The following GAD2 variants were observed in gnomAD, a reference collection of about 807,000 sequenced individuals.
GAD2 encodes the protein glutamate decarboxylase 2.
In GAD2, 22 loss-of-function variants were observed where a neutral mutation model predicts 80.1. That is an observed-to-expected ratio of 0.27 (90% CI 0.20 to 0.39). The LOEUF is 0.39. GAD2 is among the 10% of genes least tolerant of loss of function. The probability of loss-of-function intolerance (pLI) is 1.00; values close to 1 mark genes in which losing one functional copy is unlikely to be tolerated. For synonymous variants in GAD2, 274 were observed against 256.9 expected (o/e 1.07, Z -0.64); for missense variants, 624 against 738.4 (o/e 0.85, Z 1.80).
intron 8 of GAD2, among the ~76,000 whole-genome samples, chr10:26,256,638 C>T (rs553202766): frequency 6.6e-6 from 1 of 152,144 alleles, no homozygotes; most frequent in African/African-American, 2.4e-5. Context: ...TGGTGTTTTC[C>T]CATGATTAGA....
At chr10:26,285,818 C>G (rs7913676) in intron 12 of GAD2, among the ~76,000 whole-genome samples, 10 of 151,054 alleles carry the variant, frequency 6.6e-5, no homozygotes, top group African/African-American at 2.4e-4. Context: ...CAATGAGCTG[C>G]CTTAAAAGCT....
chr10:26,222,259 C>A (rs544121962), intron 4 of GAD2, among the ~76,000 whole-genome samples: 1 of 152,304 alleles, frequency 6.6e-6, no homozygotes, highest in South Asian at 2.1e-4. Context: ...AGGCACAACA[C>A]ACCCCTCACA....
intron 12 of GAD2, among the ~76,000 whole-genome samples, chr10:26,283,451 C>G (rs1420514145): frequency 6.6e-6 from 1 of 152,224 alleles, no homozygotes; most frequent in Non-Finnish European, 1.5e-5. Context: ...CTTGTTTCTA[C>G]AGCTAAATTG....
rs1450886340 is a variant in GAD2, at chr10:26,302,389, T to C, written c.*1428T>C. On this transcript the variant is annotated 3_prime_UTR_variant, in exon 16 of 16. Transcript: ENST00000376261. ...TGCAGAAATAATAAGATCCTTAGAA[T>C]TCAAAATAGTATTTTTAAAACATCC... The C allele has an allele frequency of 6.6e-6, 1 of 152,092 alleles. No homozygotes were observed. Among genetic ancestry groups the C allele is most frequent in the Non-Finnish European group, 1.5e-5 (1 of 67,992 alleles). The allele number at this position is 152,092 out of a possible 1,614,324, so 9.4% of individuals were successfully genotyped here.
At chr10:26,286,248 G>T in intron 12 of GAD2, 97 bp from the exon 13 acceptor site, 1 of 1,058,914 alleles carries the variant, frequency 9.4e-7, no homozygotes, top group South Asian at 1.5e-5. Flanking sequence ...TCTAAGATAT[G>T]CAATGTCTCT....
At chr10:26,274,009 A>G (rs1211765188) in intron 11 of GAD2, among the ~76,000 whole-genome samples, 2 of 152,202 alleles carry the variant, frequency 1.3e-5, no homozygotes, top group Non-Finnish European at 2.9e-5. Context: ...AACCACAAAA[A>G]TTGTTTAAAA....
At chr10:26,245,232 G>C (rs1216813190) in intron 7 of GAD2, among the ~76,000 whole-genome samples, 2 of 144,294 alleles carry the variant, frequency 1.4e-5, no homozygotes, top group Admixed American at 6.7e-5. Flanking sequence ...GGGGGTGTGG[G>C]GGGAGGGAGA....
intron 4 of GAD2, among the ~76,000 whole-genome samples, chr10:26,220,247 T>C (rs8190608): frequency 0.023 from 3,486 of 152,310 alleles, 52 homozygotes; most frequent in Non-Finnish European, 0.038. Context: ...GAAGTTGATG[T>C]GTAGCCTTTA....
chr10:26,283,649 T>C (rs1203824424), intron 12 of GAD2, among the ~76,000 whole-genome samples: 1 of 152,194 alleles, frequency 6.6e-6, no homozygotes, highest in East Asian at 1.9e-4. Context: ...TACCAAATTG[T>C]CCATGGGGTT....
intron 13 of GAD2, 48 bp downstream of exon 13, chr10:26,286,542 A>C (rs1564671747): frequency 5.2e-6 from 8 of 1,541,682 alleles, no homozygotes; most frequent in Non-Finnish European, 5.2e-6. Context: ...CAGAACCTTT[A>C]TCTGGTGACC....
intron 8 of GAD2, among the ~76,000 whole-genome samples, chr10:26,258,342 T>C (rs1844969533): frequency 6.6e-6 from 1 of 152,216 alleles, no homozygotes; most frequent in Non-Finnish European, 1.5e-5. Flanking sequence ...TTAGTGTTCA[T>C]TAGTTTAAAC....
rs773194823 is a variant in GAD2 at position 26,217,883 on chromosome 10, G to T, written c.178G>T (p.Gly60Trp). The change falls in exon 3 of 16, where the codon GGG becomes TGG. Residue 60 changes from glycine (G) to tryptophan (W), a missense_variant. Gly to Trp is a radical substitution (Grantham distance 184). Coordinates refer to ENST00000376261, the MANE Select transcript of GAD2 (RefSeq NM_001134366.2). This position sits in a 1 kb window ranked among gnomAD's most constrained non-coding sequence, Gnocchi z 4.9. ...GDAEKPAESGGSQPPRAAARK... is the reference protein window; with the variant it reads ...GDAEKPAESGWSQPPRAAARK... ...CGCCGAGAAGCCGGCGGAGAGCGGCGGGAGCCAACCCCCGCGGGCCGCCGC... is the reference window on the plus strand; with the variant it reads ...CGCCGAGAAGCCGGCGGAGAGCGGCTGGAGCCAACCCCCGCGGGCCGCCGC... The T allele has an allele frequency of 6.2e-7, 1 of 1,607,488 alleles. No homozygotes were observed. Among genetic ancestry groups the T allele is most frequent in the Non-Finnish European group, 8.5e-7 (1 of 1,177,240 alleles).
At chr10:26,241,753 A>G (rs1193237219) in intron 7 of GAD2, among the ~76,000 whole-genome samples, 9 of 152,186 alleles carry the variant, frequency 5.9e-5, no homozygotes, top group Admixed American at 3.3e-4. Flanking sequence ...GGAAAACTCT[A>G]TAAATAGCTT....
At chr10:26,284,605 T>C (rs564942760) in intron 12 of GAD2, among the ~76,000 whole-genome samples, 3 of 145,598 alleles carry the variant, frequency 2.1e-5, no homozygotes, top group Non-Finnish European at 4.5e-5. Context: ...GGTCTCTTTC[T>C]CTGTCGCCTA....
intron 15 of GAD2, 130 bp downstream of exon 15, chr10:26,293,121 C>A (rs1834236920): frequency 1.5e-6 from 1 of 660,758 alleles, no homozygotes; most frequent in African/African-American, 1.8e-5. Flanking sequence ...CGTCTGTGGA[C>A]TCCTACAGAG....
At chr10:26,237,998 TCACACAGACACACA>T (rs527954331) in intron 7 of GAD2, among the ~76,000 whole-genome samples, 1,958 of 117,674 alleles carry the variant, frequency 0.017, 53 homozygotes, top group African/African-American at 0.068. Context: ...CGAGACTCCA[TCACACAGACACACA>T]CACACACACA....
At chr10:26,295,291 G>A (rs1426054165) in intron 15 of GAD2, among the ~76,000 whole-genome samples, 1 of 152,122 alleles carries the variant, frequency 6.6e-6, no homozygotes, top group Non-Finnish European at 1.5e-5. Context: ...TCCGGGGATT[G>A]CAGAATGAAT....
intron 8 of GAD2, among the ~76,000 whole-genome samples, chr10:26,268,485 AT>A (rs1183201699): frequency 2.6e-5 from 4 of 151,318 alleles, no homozygotes; most frequent in South Asian, 4.2e-4. Flanking sequence ...AAAAAAAAAA[AT>A]GTTTCTCTGT....
At chr10:26,273,108 T>G (rs926490126) in intron 10 of GAD2, among the ~76,000 whole-genome samples, 2 of 152,372 alleles carry the variant, frequency 1.3e-5, no homozygotes, top group East Asian at 1.9e-4. Flanking sequence ...GTGTTCTAAC[T>G]GCTCAGCTAA....
Sources: gnomAD v4.1 joint callset for allele counts (sites outside exome capture counted in the v4.1 genomes callset) on GRCh38, gnomAD v4.1.1 for gene constraint, Gnocchi (gnomAD v3.1) non-coding constraint, MANE v1.5 for transcripts, NCBI Gene and HGNC (gene_info 2026-07-23, HGNC 2026-07-21) for gene names.